Variants in SAMD12 observed in about 807,000 individuals in gnomAD.
SAMD12 encodes the protein sterile alpha motif domain containing 12.
In SAMD12, 9 loss-of-function variants were observed where a neutral mutation model predicts 15.0. The ratio of observed to expected loss-of-function variants is 0.60; its 90% CI spans 0.36 to 1.05. SAMD12 has a LOEUF of 1.05. Among genes scored for constraint, SAMD12 ranks in the 50% least tolerant of loss-of-function variants. The pLI, the probability that SAMD12 is intolerant of heterozygous loss-of-function variation, is 0.01. For synonymous variants in SAMD12, 86 were observed against 90.1 expected (o/e 0.96, Z 0.25); for missense variants, 230 against 234.2 (o/e 0.98, Z 0.12).
intron 2 of SAMD12, among the ~76,000 whole-genome samples, chr8:118,546,048 G>T (rs781658615): frequency 1.3e-5 from 2 of 152,180 alleles, no homozygotes; most frequent in Non-Finnish European, 2.9e-5. Flanking sequence ...AAAACATTTA[G>T]AATAGTTCGT....
the SAMD12 span, among the ~76,000 whole-genome samples, chr8:118,139,700 T>C: frequency 6.6e-6 from 1 of 152,140 alleles, no homozygotes; most frequent in African/African-American, 2.4e-5. Flanking sequence ...ATTCTATCTG[T>C]TTTAGGATTT....
intron 4 of SAMD12, among the ~76,000 whole-genome samples, chr8:118,318,308 GTGTATATATATATATATATATA>G (rs1486954641): frequency 5.6e-4 from 32 of 57,528 alleles, no homozygotes; most frequent in African/African-American, 2.8e-3. Flanking sequence ...GGAGATATAT[GTGTATATATATATATATATATA>G]TATATATATA....
At chr8:118,144,661 A>G in the SAMD12 span, among the ~76,000 whole-genome samples, 1 of 152,118 alleles carries the variant, frequency 6.6e-6, no homozygotes, top group Non-Finnish European at 1.5e-5. Context: ...GGGAAGAAAG[A>G]ACAAAAGCAA....
chr8:118,268,030 G>C (rs1262780694), intron 4 of SAMD12, among the ~76,000 whole-genome samples: 1 of 152,040 alleles, frequency 6.6e-6, no homozygotes, highest in Admixed American at 6.6e-5. Flanking sequence ...AGGCAGAGGT[G>C]GCAGTGAGCC....
At chr8:118,145,533 C>T in the SAMD12 span, among the ~76,000 whole-genome samples, 4 of 152,242 alleles carry the variant, frequency 2.6e-5, no homozygotes, top group East Asian at 5.8e-4. Context: ...AGAATGTAGT[C>T]CCTACTTTTA....
intron 4 of SAMD12, among the ~76,000 whole-genome samples, chr8:118,362,335 A>G (rs1818542955): frequency 6.6e-6 from 1 of 152,220 alleles, no homozygotes; most frequent in Admixed American, 6.5e-5. Context: ...TTTAAAAAAT[A>G]TATAAAACAA....
At chr8:118,575,330 T>TA (rs1397045615) in intron 2 of SAMD12, among the ~76,000 whole-genome samples, 4 of 152,250 alleles carry the variant, frequency 2.6e-5, no homozygotes, top group Non-Finnish European at 4.4e-5. Flanking sequence ...CTCCCTTATA[T>TA]AATACAGCAA....
At chr8:118,210,107 G>A (rs954356614) in intron 4 of SAMD12, among the ~76,000 whole-genome samples, 6 of 152,144 alleles carry the variant, frequency 3.9e-5, no homozygotes, top group African/African-American at 1.4e-4. Context: ...GGGCTGGGAT[G>A]GTATTATCTC....
intron 4 of SAMD12, among the ~76,000 whole-genome samples, chr8:118,351,229 G>A (rs1440613378): frequency 6.6e-6 from 1 of 152,158 alleles, no homozygotes; most frequent in Non-Finnish European, 1.5e-5. Flanking sequence ...TTGACACCTC[G>A]TAAAATGGTC....
the SAMD12 span, among the ~76,000 whole-genome samples, chr8:118,179,735 A>G: frequency 1.8e-4 from 27 of 152,304 alleles, no homozygotes; most frequent in Middle Eastern, 0.01. Flanking sequence ...CAGAAGAGGC[A>G]AAAGGGAGTG....
intron 2 of SAMD12, among the ~76,000 whole-genome samples, chr8:118,557,007 G>A (rs1167093885): frequency 6.6e-6 from 1 of 151,894 alleles, no homozygotes; most frequent in Non-Finnish European, 1.5e-5. Context: ...ATAGACATGG[G>A]TCCACCTACT....
intron 4 of SAMD12, among the ~76,000 whole-genome samples, chr8:118,327,471 T>G (rs1431581034): frequency 6.6e-6 from 1 of 152,114 alleles, no homozygotes; most frequent in African/African-American, 2.4e-5. Context: ...ATTAAACCAT[T>G]AGTTACTCCA....
chr8:118,551,752 AG>A (rs1230756894), intron 2 of SAMD12, among the ~76,000 whole-genome samples: 1 of 151,500 alleles, frequency 6.6e-6, no homozygotes, highest in Non-Finnish European at 1.5e-5. Context: ...GTTTTTTGAA[AG>A]GATCAACAAA....
chr8:118,334,757 G>T (rs761313837), intron 4 of SAMD12, among the ~76,000 whole-genome samples: 8 of 151,966 alleles, frequency 5.3e-5, no homozygotes, highest in Admixed American at 3.3e-4. Context: ...CACCATACCC[G>T]GCTAATTTTT....
rs549429781 is a variant in SAMD12 at position 118,294,683 on chromosome 8, C to T, written c.433+84877G>A. Among the ~76,000 whole-genome samples, 7 of 152,246 alleles carry T rather than the reference C, an allele frequency of 4.6e-5. No individual in the cohort carries two copies. In the South Asian group the frequency reaches 1.2e-3, roughly 27 times the overall value. On this transcript the variant is annotated intron_variant, in intron 4 of 4. Transcript: ENST00000409003. ...AGTAAAATATTTTTTAAAATTCTTG[C>T]AATATGCAGAGTATAAATATTATCT...
At chr8:118,245,575 G>T (rs1206812266) in intron 4 of SAMD12, among the ~76,000 whole-genome samples, 1 of 152,152 alleles carries the variant, frequency 6.6e-6, no homozygotes, top group African/African-American at 2.4e-5. Context: ...GAGTGAAGAA[G>T]TAGTGGTACC....
At chr8:118,429,109 C>G (rs915540074) in intron 3 of SAMD12, among the ~76,000 whole-genome samples, 1 of 112,090 alleles carries the variant, frequency 8.9e-6, no homozygotes, top group African/African-American at 2.6e-5. Context: ...TTTAATTTCT[C>G]TTAGCAATGT....
intron 1 of SAMD12, among the ~76,000 whole-genome samples, chr8:118,581,662 G>A (rs1010606584): frequency 2.6e-5 from 4 of 152,066 alleles, no homozygotes; most frequent in African/African-American, 7.2e-5. Flanking sequence ...TCTAACAAAC[G>A]CTTACTGAGC....
intron 2 of SAMD12, among the ~76,000 whole-genome samples, chr8:118,561,969 C>T (rs1236565132): frequency 1.3e-5 from 2 of 152,108 alleles, no homozygotes; most frequent in African/African-American, 2.4e-5. Context: ...TAGAAACCAA[C>T]ATCCAGTAAT....
Sources: allele counts gnomAD v4.1 joint callset (sites outside exome capture counted in the v4.1 genomes callset), GRCh38; gene constraint gnomAD v4.1.1; transcripts MANE v1.5; gene names NCBI Gene and HGNC (gene_info 2026-07-23, HGNC 2026-07-21).